Variants in CD5L observed in about 807,000 individuals in gnomAD.
CD5L encodes CD5 antigen-like.
CD5L carries 39 observed loss-of-function variants against 40.8 expected under a neutral mutation model. The observed-to-expected ratio is 0.96, with a 90% CI of 0.74 to 1.25. The LOEUF (loss-of-function observed/expected upper bound fraction) is 1.25, where lower values mean the gene tolerates loss of function less well. Ranked by LOEUF, CD5L falls within the 50% of genes most tolerant of loss-of-function variation. The pLI, the probability that CD5L is intolerant of heterozygous loss-of-function variation, is 0.00. For missense variants in CD5L, 433 were observed against 435.9 expected, an observed-to-expected ratio of 0.99 and a Z score of 0.06; for synonymous variants, 192 against 169.6, an observed-to-expected ratio of 1.13 and a Z score of -1.03.
At chr1:157,838,743 A>G (rs1420889916) in intron 2 of CD5L, among the ~76,000 whole-genome samples, 1 of 152,096 alleles carries the variant, frequency 6.6e-6, no homozygotes, top group African/African-American at 2.4e-5. Flanking sequence ...ACCAATAGCA[A>G]TGTTTCTGGC....
chr1:157,827,206 CTCTT>C (rs1463826959), downstream of CD5L, among the ~76,000 whole-genome samples: 1 of 151,938 alleles, frequency 6.6e-6, no homozygotes, highest in Non-Finnish European at 1.5e-5. Flanking sequence ...CCTCTAGAAT[CTCTT>C]TCAGTACCAA....
chr1:157,839,792 G>T (rs1557943093), intron 1 of CD5L, among the ~76,000 whole-genome samples: 1 of 152,364 alleles, frequency 6.6e-6, no homozygotes, highest in East Asian at 1.9e-4. Context: ...GCACTGGCCG[G>T]TGGAGGTAAA....
intron 2 of CD5L, 143 bp downstream of exon 2, chr1:157,839,241 G>C: frequency 1.3e-6 from 1 of 794,864 alleles, no homozygotes; most frequent in South Asian, 1.5e-5. Context: ...GCCCACACAA[G>C]ACTGAGTGGG....
chr1:157,834,827 C>T (rs1656156043), intron 3 of CD5L, 79 bp from the exon 4 acceptor site: 2 of 1,103,704 alleles, frequency 1.8e-6, no homozygotes, highest in Non-Finnish European at 2.7e-6. Flanking sequence ...ATGGACACAT[C>T]TCACAGTTCT....
At position 157,834,447 on chromosome 1, in the gene CD5L, G is replaced by C. The variant is rs761314115; in HGVS notation, c.678C>G (p.Asn226Lys). The change falls in exon 4 of 6, where the codon AAC becomes AAG. Residue 226 changes from asparagine (N) to lysine (K), a missense_variant. Asn to Lys is a moderately conservative substitution (Grantham distance 94). Coordinates refer to ENST00000368174, the MANE Select transcript of CD5L (RefSeq NM_005894.3). ...ACGTGTCTTCATCATGGTTGCAGGT[G>C]TTCTTCCCCCAAGGCCCAGAAGGGC... ...QDCPSGPWGK[N>K]TCNHDEDTWV... 2 of 1,614,132 alleles carry C rather than the reference G, an allele frequency of 1.2e-6. No homozygotes were observed. The highest frequency in any genetic ancestry group is 8.5e-7 in the Non-Finnish European group (1 of 1,180,002).
chr1:157,834,665 T>G lies in CD5L; in HGVS notation c.460A>C (p.Lys154Gln). The G allele has an allele frequency of 6.2e-7, 1 of 1,614,150 alleles. No homozygotes were observed. The highest frequency in any genetic ancestry group is 8.5e-7 in the Non-Finnish European group (1 of 1,180,024). Residue 154 changes from lysine (K) to glutamine (Q), a missense_variant, in exon 4 of 6, where the codon AAG becomes CAG. Coordinates refer to ENST00000368174, the MANE Select transcript of CD5L (RefSeq NM_005894.3). Reference sequence around the variant, plus strand: ...ACGGTATACCACTGGTTCTGGTGCTTCACTTCCACGCGTCCCTTGCAATGC... The same window carrying G: ...ACGGTATACCACTGGTTCTGGTGCTGCACTTCCACGCGTCCCTTGCAATGC... ...PGHCKGRVEV[K>Q]HQNQWYTVCQ...
At chr1:157,836,814 G>A (rs1656229818) in intron 2 of CD5L, among the ~76,000 whole-genome samples, 1 of 152,182 alleles carries the variant, frequency 6.6e-6, no homozygotes, top group South Asian at 2.1e-4. Context: ...CAGAGCATAG[G>A]GAAAGGGAAG....
rs1357344232 is a variant in CD5L at position 157,831,461 on chromosome 1, A to T, written c.*503T>A. 7.1e-6 allele frequency: 7 copies of T among 985,444 alleles called. No individual in the cohort carries two copies. Among genetic ancestry groups the T allele is most frequent in the Non-Finnish European group, 8.4e-6 (7 of 830,052 alleles). The allele number at this position is 985,444 out of a possible 1,614,324, so 61.0% of individuals were successfully genotyped here. A position where few individuals can be genotyped will look rare whatever the true frequency, so the allele number is the denominator to read the frequency against. On this transcript the variant is annotated 3_prime_UTR_variant, in exon 6 of 6. Coordinates refer to ENST00000368174, the MANE Select transcript of CD5L (RefSeq NM_005894.3). ...TGAGGAAAAAAAAAAAAAGTAGTCCAATCAAAAGAATTCTAAACTTTCCCC... is the reference window on the plus strand; with the variant it reads ...TGAGGAAAAAAAAAAAAAGTAGTCCTATCAAAAGAATTCTAAACTTTCCCC...
In CD5L at chr1:157,833,501, A is replaced by C. The variant is rs1417531660; in HGVS notation, c.730T>G (p.Leu244Val). The C allele has an allele frequency of 1.2e-6, 2 of 1,608,798 alleles. No homozygotes were observed. Among genetic ancestry groups the C allele is most frequent in the South Asian group, 2.2e-5 (2 of 90,992 alleles). The change falls in exon 5 of 6, where the codon TTG becomes GTG. Residue 244 changes from leucine (L) to valine (V), a missense_variant. Leu to Val is a conservative substitution (Grantham distance 32, BLOSUM62 1). Transcript: ENST00000368174. The part of the protein sequence containing the change: ...TWVECEDPFD[L>V]RLVGGDNLCS... ...AGGTTGTCTCCTCCTACTAGTCTCA[A>C]GTCAAAGGGATCTGCAGGATGGGGG...
At chr1:157,833,131 A>G in intron 5 of CD5L, 61 bp downstream of exon 5, 1 of 1,351,894 alleles carries the variant, frequency 7.4e-7, no homozygotes, top group Non-Finnish European at 1.0e-6. Context: ...CACCCCCATC[A>G]TTTCCTCTTC....
chr1:157,832,247 G>A (rs1215839349), intron 5 of CD5L, among the ~76,000 whole-genome samples: 1 of 152,182 alleles, frequency 6.6e-6, no homozygotes, highest in East Asian at 1.9e-4. Context: ...AACCGGACAA[G>A]TGTCTTTCTA....
In CD5L at chr1:157,833,322, A is replaced by G. The variant is rs1249486777; in HGVS notation, c.909T>C (p.Pro303=). Residue 303 remains proline, a synonymous_variant, in exon 5 of 6, where the codon CCT becomes CCC. Transcript: ENST00000368174. Reference sequence around the variant, plus strand: ...TATCCAGCCAGATGCGGCCAACCCCAGGGCCATAGCATTTCCGGTCTCTGA... The same window carrying G: ...TATCCAGCCAGATGCGGCCAACCCCGGGGCCATAGCATTTCCGGTCTCTGA... ...PSFRDRKCYG[P]GVGRIWLDNV... The G allele has an allele frequency of 8.1e-6, 13 of 1,614,118 alleles. No homozygotes were observed. Among genetic ancestry groups the G allele is most frequent in the Non-Finnish European group, 1.1e-5 (13 of 1,180,014 alleles).
At chr1:157,835,172 T>G (rs1656170619) in intron 3 of CD5L, among the ~76,000 whole-genome samples, 1 of 152,154 alleles carries the variant, frequency 6.6e-6, no homozygotes, top group African/African-American at 2.4e-5. Flanking sequence ...TAGGACTGAG[T>G]CTTCAATGTC....
At chr1:157,838,773 C>A (rs1656287436) in intron 2 of CD5L, among the ~76,000 whole-genome samples, 1 of 152,024 alleles carries the variant, frequency 6.6e-6, no homozygotes, top group South Asian at 2.1e-4. Context: ...CTGGTAAAGT[C>A]TCTATGATCA....
In CD5L at chr1:157,831,087, G is replaced by A; in HGVS notation, c.*877C>T. 1.0e-6 allele frequency: 1 copy of A among 985,384 alleles called. No homozygotes were observed. The highest frequency in any genetic ancestry group is 1.7e-5 in the African/African-American group (1 of 57,334). The allele number at this position is 985,384 out of a possible 1,614,324, so 61.0% of individuals were successfully genotyped here. ...AGGCCCCAAAGTCTCAGTTGATAAA[G>A]TGAAAATGATATTTTTCACTTTCGC... On this transcript the variant is annotated 3_prime_UTR_variant, in exon 6 of 6. Coordinates refer to ENST00000368174, the MANE Select transcript of CD5L (RefSeq NM_005894.3).
chr1:157,827,816 AAGAC>A (rs1242868017), downstream of CD5L, among the ~76,000 whole-genome samples: 1 of 152,198 alleles, frequency 6.6e-6, no homozygotes. Flanking sequence ...AAAAATAACT[AAGAC>A]AGAGCTCAAC....
chr1:157,837,771 A>ATTTTT (rs55700960), intron 2 of CD5L, among the ~76,000 whole-genome samples: 2 of 111,640 alleles, frequency 1.8e-5, no homozygotes, highest in Admixed American at 9.0e-5. Context: ...TAATCTAGCT[A>ATTTTT]TTTTTTTTTT....
chr1:157,834,269 GAATT>G, intron 4 of CD5L, 134 bp downstream of exon 4: 2 of 710,404 alleles, frequency 2.8e-6, no homozygotes, highest in Non-Finnish European at 4.6e-6. Context: ...AAAAACAAAG[GAATT>G]AATTATCTGC....
intron 2 of CD5L, among the ~76,000 whole-genome samples, chr1:157,838,501 A>G (rs1374408882): frequency 2.0e-5 from 3 of 152,136 alleles, no homozygotes; most frequent in Non-Finnish European, 4.4e-5. Flanking sequence ...TTTTTAATCA[A>G]TTTTCATTTT....
Sources: allele counts gnomAD v4.1 joint callset (sites outside exome capture counted in the v4.1 genomes callset), GRCh38; gene constraint gnomAD v4.1.1; transcripts MANE v1.5; gene names NCBI Gene and HGNC (gene_info 2026-07-23, HGNC 2026-07-21).